Variants in CUL5 observed in about 807,000 individuals in gnomAD.
CUL5 encodes cullin-5.
In CUL5, 26 loss-of-function variants were observed where a neutral mutation model predicts 108.8. That is an observed-to-expected ratio of 0.24 (90% confidence interval 0.18 to 0.33). The LOEUF (loss-of-function observed/expected upper bound fraction) is 0.33, where lower values mean the gene tolerates loss of function less well. Ranked by LOEUF, CUL5 falls within the 10% of genes least tolerant of loss-of-function variation. The pLI is 1.00. For synonymous variants in CUL5, 334 were observed against 298.0 expected (o/e 1.12, Z -1.25); for missense variants, 524 against 909.2 (o/e 0.58, Z 5.45).
At chr11:108,036,353 G>C (rs943308061) in intron 2 of CUL5, among the ~76,000 whole-genome samples, 1 of 152,118 alleles carries the variant, frequency 6.6e-6, no homozygotes, top group African/African-American at 2.4e-5. Flanking sequence ...TCCTGATTGG[G>C]ACAATCCCTC....
At chr11:108,101,464 C>T (rs1864664827) in intron 18 of CUL5, among the ~76,000 whole-genome samples, 1 of 152,238 alleles carries the variant, frequency 6.6e-6, no homozygotes, top group African/African-American at 2.4e-5. Flanking sequence ...CTCTTCCCTG[C>T]TCTCTTTCCC....
At chr11:108,072,283 C>G (rs748236348) in intron 8 of CUL5, 49 bp from the exon 9 acceptor site, 2 of 1,450,820 alleles carry the variant, frequency 1.4e-6, no homozygotes, top group Non-Finnish European at 1.9e-6. Flanking sequence ...TCTCTAAACT[C>G]TTACTCTAGT....
In CUL5 at chr11:108,089,584, C is replaced by T. The variant is rs149384884; in HGVS notation, c.1404C>T (p.Ala468=). The change falls in exon 13 of 19, where the codon GCC becomes GCT. Residue 468 remains alanine, a synonymous_variant. Transcript: ENST00000393094. ...GACGTCTTATATTAGACATCTCTGC[C>T]GATAGTGAAATTGAAGAAAACATGG... The part of the protein sequence containing the change: ...LTRRLILDIS[A]DSEIEENMVE... The T allele has an allele frequency of 1.8e-5, 28 of 1,548,796 alleles. No individual in the cohort carries two copies. Among genetic ancestry groups the T allele is most frequent in the African/African-American group, 2.8e-5 (2 of 71,106 alleles).
intron 17 of CUL5, among the ~76,000 whole-genome samples, chr11:108,098,106 T>C (rs1864544473): frequency 6.6e-6 from 1 of 152,194 alleles, no homozygotes; most frequent in African/African-American, 2.4e-5. Context: ...AGTTAGGCAA[T>C]AACACTGAAT....
At chr11:108,017,283 A>G (rs1247951278) in intron 1 of CUL5, among the ~76,000 whole-genome samples, 1 of 151,026 alleles carries the variant, frequency 6.6e-6, no homozygotes, top group African/African-American at 2.4e-5. Flanking sequence ...CTAGCTACTC[A>G]GGAAGCTGAG....
Position 108,104,798 on chromosome 11 carries a change from C to G in CUL5, c.*414C>G, listed in dbSNP as rs1338147263. ...TTCATGCACTGAAAAATGCTGTTAT[C>G]TTTTGTTTTTAAAAAATGCAATTAA... On this transcript the variant is annotated 3_prime_UTR_variant, in exon 19 of 19. Coordinates refer to ENST00000393094, the MANE Select transcript of CUL5 (RefSeq NM_003478.6). 1 of 153,292 alleles carries G rather than the reference C, an allele frequency of 6.5e-6. No homozygotes were observed. Among genetic ancestry groups the G allele is most frequent in the East Asian group, 1.9e-4 (1 of 5,216 alleles). 9.5% of individuals were successfully genotyped at this position (153,292 alleles called of 1,614,324 possible).
At chr11:108,015,970 G>A (rs923568839) in intron 1 of CUL5, among the ~76,000 whole-genome samples, 1 of 152,092 alleles carries the variant, frequency 6.6e-6, no homozygotes, top group African/African-American at 2.4e-5. Flanking sequence ...CACACAAGCT[G>A]CAGTGCAGTG....
At chr11:108,081,569 G>A (rs1864084876) in intron 11 of CUL5, among the ~76,000 whole-genome samples, 1 of 151,920 alleles carries the variant, frequency 6.6e-6, no homozygotes, top group Admixed American at 6.6e-5. Flanking sequence ...TGGCTAACAT[G>A]GTGAAACCCT....
intron 10 of CUL5, among the ~76,000 whole-genome samples, chr11:108,074,730 C>A (rs2135191995): frequency 6.6e-6 from 1 of 152,092 alleles, no homozygotes; most frequent in Non-Finnish European, 1.5e-5. Flanking sequence ...TGCTTGAACC[C>A]AGGAGGTGGA....
intron 18 of CUL5, among the ~76,000 whole-genome samples, chr11:108,099,905 A>T (rs984883501): frequency 1.3e-5 from 2 of 150,846 alleles, no homozygotes; most frequent in Non-Finnish European, 3.0e-5. Flanking sequence ...ACAAAAAAAA[A>T]ATTTTTTTTT....
At chr11:108,080,008 T>C (rs1864035584) in intron 11 of CUL5, among the ~76,000 whole-genome samples, 1 of 152,096 alleles carries the variant, frequency 6.6e-6, no homozygotes. Context: ...CTCACCAATG[T>C]TTAGTGTTCT....
intron 4 of CUL5, among the ~76,000 whole-genome samples, chr11:108,052,410 C>T (rs1863251238): frequency 6.6e-6 from 1 of 152,034 alleles, no homozygotes; most frequent in African/African-American, 2.4e-5. Flanking sequence ...AGGCGTGCAC[C>T]ACCACACTGG....
At chr11:108,092,049 A>G (rs1437767967) in intron 13 of CUL5, among the ~76,000 whole-genome samples, 3 of 152,172 alleles carry the variant, frequency 2.0e-5, no homozygotes, top group Admixed American at 6.5e-5. Flanking sequence ...AGATGGGATG[A>G]TTGCTTGAGC....
At chr11:108,026,337 AT>A (rs535063424) in intron 1 of CUL5, among the ~76,000 whole-genome samples, 267 of 152,214 alleles carry the variant, frequency 1.8e-3, no homozygotes, top group African/African-American at 6.4e-3. Context: ...AGAGTCACTT[AT>A]TCTTCCACTT....
chr11:108,102,992 C>T (rs765248786), intron 18 of CUL5, among the ~76,000 whole-genome samples: 6 of 152,112 alleles, frequency 3.9e-5, no homozygotes, highest in Admixed American at 6.5e-5. Flanking sequence ...GATGGGGTTT[C>T]GCCATGTTGC....
intron 1 of CUL5, among the ~76,000 whole-genome samples, chr11:108,014,548 G>T (rs960856646): frequency 6.6e-6 from 1 of 152,168 alleles, no homozygotes; most frequent in African/African-American, 2.4e-5. Flanking sequence ...ATAAATAAAA[G>T]TTATTATATT....
intron 1 of CUL5, among the ~76,000 whole-genome samples, chr11:108,023,311 C>G (rs771092462): frequency 5.9e-5 from 9 of 152,162 alleles, no homozygotes; most frequent in Non-Finnish European, 1.3e-4. Context: ...TTTTCACTCC[C>G]TGAATGGTGT....
intron 1 of CUL5, among the ~76,000 whole-genome samples, chr11:108,025,804 C>T (rs1021061686): frequency 6.6e-6 from 1 of 152,188 alleles, no homozygotes; most frequent in African/African-American, 2.4e-5. Context: ...CTAGTCACCT[C>T]AGCCTTTTCA....
chr11:108,084,966 A>G (rs1864184549), intron 11 of CUL5: 1 of 152,256 alleles, frequency 6.6e-6, no homozygotes, highest in African/African-American at 2.4e-5. Flanking sequence ...CCATTTACAG[A>G]TGTAGTTGTT....
Sources: allele counts gnomAD v4.1 joint callset (sites outside exome capture counted in the v4.1 genomes callset), GRCh38; gene constraint gnomAD v4.1.1; transcripts MANE v1.5; gene names NCBI Gene and HGNC (gene_info 2026-07-23, HGNC 2026-07-21).